ZNF609: variants seen among roughly 807,000 people sequenced by gnomAD.
ZNF609 encodes zinc finger protein 609.
A neutral mutation model predicts 109.5 loss-of-function variants in ZNF609; 11 were observed. The ratio of observed to expected loss-of-function variants is 0.10; its 90% CI spans 0.06 to 0.17. The LOEUF is 0.17. ZNF609 is among the 10% of genes least tolerant of loss of function. The probability of loss-of-function intolerance (pLI) is 1.00; values close to 1 mark genes in which losing one functional copy is unlikely to be tolerated. For synonymous variants in ZNF609, 646 were observed against 662.0 expected (o/e 0.98, Z 0.37); for missense variants, 1,559 against 1,772.4 (o/e 0.88, Z 2.16).
chr15:64,656,701 C>T (rs776299371), intron 3 of ZNF609, among the ~76,000 whole-genome samples: 5 of 150,692 alleles, frequency 3.3e-5, no homozygotes, highest in Non-Finnish European at 7.4e-5. Context: ...TTTCTTCCTC[C>T]CTTCCTCCCT....
At chr15:64,623,454 C>G (rs1895908440) in intron 3 of ZNF609, among the ~76,000 whole-genome samples, 1 of 152,214 alleles carries the variant, frequency 6.6e-6, no homozygotes, top group Non-Finnish European at 1.5e-5. Context: ...CTTAAATTCA[C>G]TTAATGTTGG....
Position 64,499,390 on chromosome 15 carries a change from T to C in ZNF609, c.-30T>C. 2.5e-6 allele frequency: 4 copies of C among 1,600,990 alleles called. No homozygotes were observed. The South Asian group carries it at 4.5e-5, about 18-fold the overall frequency. On this transcript the variant is annotated 5_prime_UTR_variant, in exon 2 of 10. Coordinates refer to ENST00000326648, the MANE Select transcript of ZNF609 (RefSeq NM_015042.2). ...GAAAGCTGGGGGCAAGGAAGAGCCT[T>C]GAATCTTGAGGTGGGACGTTGACTC...
Position 64,525,938 on chromosome 15 carries a change from G to A in ZNF609, c.747+25772G>A, listed in dbSNP as rs180969507. On this transcript the variant is annotated intron_variant, in intron 2 of 9. Transcript: ENST00000326648. ...CAAATAACTGGGACTACAGGTGCAC[G>A]CCACTAAGCCCAGCTAATTTTTTGT... is the stretch of plus-strand genomic sequence containing the variant. 8.6e-3 allele frequency among the ~76,000 whole-genome samples: 1,299 copies of A among 151,850 alleles called. 13 individuals carry two copies. The highest frequency in any genetic ancestry group is 0.015 in the Non-Finnish European group (1,001 of 67,922).
chr15:64,485,579 G>C lies in ZNF609; in HGVS notation c.-127-13714G>C, dbSNP rs1045904149. ...ACACTTTGGGAGGTTGAGGTGGGAG[G>C]ATCACTTAAGCCCAAAAGTTCAAGA... On this transcript the variant is annotated intron_variant, in intron 1 of 9. Coordinates refer to ENST00000326648, the MANE Select transcript of ZNF609 (RefSeq NM_015042.2). 3.3e-5 allele frequency among the ~76,000 whole-genome samples: 5 copies of C among 152,094 alleles called. No homozygotes were observed. In the East Asian group the frequency reaches 7.7e-4, roughly 23 times the overall value.
chr15:64,529,250 A>G lies in ZNF609; in HGVS notation c.747+29084A>G, dbSNP rs537971072. On this transcript the variant is annotated intron_variant, in intron 2 of 9. Transcript: ENST00000326648. ...TGCTGACGATCTTGAGGCTGTTGTC[A>G]TACTTCTCATGGTTCACGCCCATCA... 7.7e-5 allele frequency: 55 copies of G among 716,052 alleles called. No individual in the cohort carries two copies. In the East Asian group the frequency reaches 9.0e-4, roughly 12 times the overall value. The allele number at this position is 716,052 out of a possible 1,614,324, so 44.4% of individuals were successfully genotyped here. A position where few individuals can be genotyped will look rare whatever the true frequency, so the allele number is the denominator to read the frequency against.
At position 64,499,579 on chromosome 15, in the gene ZNF609, T is replaced by C. The variant is rs1893530288; in HGVS notation, c.160T>C (p.Ser54Pro). ...KDQQKLEMSG[S>P]KEVGIPAPNA... Reference sequence around the variant, plus strand: ...CCAGCAGAAACTGGAAATGTCAGGCTCAAAGGAGGTGGGGATACCGGCTCC... The same window carrying C: ...CCAGCAGAAACTGGAAATGTCAGGCCCAAAGGAGGTGGGGATACCGGCTCC... Residue 54 changes from serine (S) to proline (P), a missense_variant, in exon 2 of 10, where the codon TCA becomes CCA. Coordinates refer to ENST00000326648, the MANE Select transcript of ZNF609 (RefSeq NM_015042.2). 1 of 1,614,026 alleles carries C rather than the reference T, an allele frequency of 6.2e-7. No homozygotes were observed. The highest frequency in any genetic ancestry group is 8.5e-7 in the Non-Finnish European group (1 of 1,180,004).
chr15:64,511,438 G>A (rs917994662), intron 2 of ZNF609, among the ~76,000 whole-genome samples: 21 of 142,968 alleles, frequency 1.5e-4, no homozygotes, highest in African/African-American at 5.3e-4. Context: ...CTGAGAACAC[G>A]CCACTGCACT....
chr15:64,635,470 C>T (rs1244672363), intron 3 of ZNF609, among the ~76,000 whole-genome samples: 3 of 152,088 alleles, frequency 2.0e-5, no homozygotes, highest in Non-Finnish European at 4.4e-5. Flanking sequence ...CCTTAATTTC[C>T]TTATTTGTAA....
chr15:64,554,872 G>C (rs1894551502), intron 2 of ZNF609, among the ~76,000 whole-genome samples: 1 of 151,572 alleles, frequency 6.6e-6, no homozygotes, highest in South Asian at 2.1e-4. Context: ...CGAGACGAGT[G>C]TATCACCTGA....
At chr15:64,604,793 C>A (rs943711238) in intron 2 of ZNF609, among the ~76,000 whole-genome samples, 2 of 151,854 alleles carry the variant, frequency 1.3e-5, no homozygotes, top group African/African-American at 4.8e-5. Flanking sequence ...CCTAATTTGG[C>A]TTTATTTAAT....
intron 3 of ZNF609, among the ~76,000 whole-genome samples, chr15:64,623,893 A>G (rs2099422889): frequency 6.6e-6 from 1 of 152,198 alleles, no homozygotes; most frequent in South Asian, 2.1e-4. Context: ...CCTCAGTCCC[A>G]TCATGTCTCT....
chr15:64,570,169 C>T (rs1441315833), intron 2 of ZNF609, among the ~76,000 whole-genome samples: 1 of 152,190 alleles, frequency 6.6e-6, no homozygotes, highest in Non-Finnish European at 1.5e-5. Flanking sequence ...TGGCCGAGAG[C>T]TCTCTTATTC....
intron 2 of ZNF609, among the ~76,000 whole-genome samples, chr15:64,582,569 T>G (rs1280017958): frequency 6.6e-6 from 1 of 152,138 alleles, no homozygotes; most frequent in Non-Finnish European, 1.5e-5. Flanking sequence ...AAAAACTCAG[T>G]CCAACTTTTT....
chr15:64,534,343 G>A (rs1378763705), intron 2 of ZNF609, among the ~76,000 whole-genome samples: 8 of 142,214 alleles, frequency 5.6e-5, no homozygotes, highest in Non-Finnish European at 3.0e-5. Flanking sequence ...ATAGAGTCTC[G>A]CTCTGTCGCC....
At chr15:64,666,711 C>T (rs1180633988) in intron 3 of ZNF609, among the ~76,000 whole-genome samples, 2 of 152,010 alleles carry the variant, frequency 1.3e-5, no homozygotes, top group Non-Finnish European at 2.9e-5. Context: ...GGGGTTTCAC[C>T]ATCTTGGCCA....
Position 64,675,005 on chromosome 15 carries a change from C to A in ZNF609, c.2151C>A (p.Val717=). The change falls in exon 5 of 10, where the codon GTC becomes GTA. Residue 717 remains valine, a synonymous_variant. Transcript: ENST00000326648. ...CTGTTATGGGAGAACCTTTCACAGT[C>A]AACCCTGCCTTGACTCCAGCCAAGG... The part of the protein sequence containing the change: ...KPTVMGEPFT[V]NPALTPAKDK... The A allele has an allele frequency of 6.2e-7, 1 of 1,613,996 alleles. No individual in the cohort carries two copies. The highest frequency in any genetic ancestry group is 8.5e-7 in the Non-Finnish European group (1 of 1,180,026).
At chr15:64,634,175 C>A (rs1359717368) in intron 3 of ZNF609, among the ~76,000 whole-genome samples, 1 of 152,046 alleles carries the variant, frequency 6.6e-6, no homozygotes. Context: ...GACATCTAAA[C>A]AGACCCATGG....
At chr15:64,519,508 C>T (rs1267838436) in intron 2 of ZNF609, among the ~76,000 whole-genome samples, 3 of 152,110 alleles carry the variant, frequency 2.0e-5, no homozygotes, top group Admixed American at 1.3e-4. Flanking sequence ...TATGTCTATA[C>T]AAACATTTTA....
At position 64,674,774 on chromosome 15, in the gene ZNF609, C is replaced by T. The variant is rs752866851; in HGVS notation, c.1920C>T (p.Pro640=). 2 of 1,613,958 alleles carry T rather than the reference C, an allele frequency of 1.2e-6. No individual in the cohort carries two copies. The highest frequency in any genetic ancestry group is 2.2e-5 in the South Asian group (2 of 91,078). Residue 640 remains proline (P), a synonymous_variant, in exon 5 of 10, where the codon CCC becomes CCT. Coordinates refer to ENST00000326648, the MANE Select transcript of ZNF609 (RefSeq NM_015042.2). ...KCMEKEKCKK[P]SSLKPEKIPS... is the part of the protein sequence containing the mutation. ...TGGAAAAAGAAAAATGTAAAAAACC[C>T]TCTAGTTTAAAACCTGAAAAGATTC...
Sources: gnomAD v4.1 joint callset for allele counts (sites outside exome capture counted in the v4.1 genomes callset) on GRCh38, gnomAD v4.1.1 for gene constraint, MANE v1.5 for transcripts, NCBI Gene and HGNC (gene_info 2026-07-23, HGNC 2026-07-21) for gene names.